Variants in THRB observed in about 807,000 individuals in gnomAD.
THRB encodes the protein thyroid hormone receptor beta, also known as nuclear receptor subfamily 1 group A member 2.
A neutral mutation model predicts 47.8 loss-of-function variants in THRB; 12 were observed. That is an observed-to-expected ratio of 0.25 (90% CI 0.16 to 0.41). The LOEUF (loss-of-function observed/expected upper bound fraction) is 0.41. THRB is among the 10% of genes least tolerant of loss of function. The probability of loss-of-function intolerance (pLI) is 1.00; values close to 1 mark genes in which losing one functional copy is unlikely to be tolerated. For missense variants in THRB, 348 were observed against 589.2 expected (o/e 0.59, Z 4.24); for synonymous variants, 218 against 212.2 (o/e 1.03, Z -0.24).
At chr3:24,456,496 T>C (rs1234772677) in intron 1 of THRB, among the ~76,000 whole-genome samples, 2 of 152,000 alleles carry the variant, frequency 1.3e-5, no homozygotes, top group Non-Finnish European at 2.9e-5. Flanking sequence ...TGAATGATAG[T>C]AATAAATATG....
intron 1 of THRB, among the ~76,000 whole-genome samples, chr3:24,479,786 G>A (rs1438671390): frequency 3.3e-5 from 5 of 152,118 alleles, no homozygotes; most frequent in East Asian, 1.9e-4. Context: ...CTGGTGCCTC[G>A]ACTATACTCC....
chr3:24,395,136 A>T (rs958081515), intron 1 of THRB, among the ~76,000 whole-genome samples: 9 of 152,118 alleles, frequency 5.9e-5, no homozygotes, highest in African/African-American at 1.9e-4. Context: ...TGGATTATAA[A>T]CCTAAATGTA....
At chr3:24,136,849 T>C (rs902987131) in intron 8 of THRB, among the ~76,000 whole-genome samples, 3 of 152,258 alleles carry the variant, frequency 2.0e-5, no homozygotes, top group Non-Finnish European at 4.4e-5. Flanking sequence ...GTCTGCTCTA[T>C]GTCTCCCCTA....
chr3:24,469,309 T>C (rs1449168240), intron 1 of THRB, among the ~76,000 whole-genome samples: 1 of 152,150 alleles, frequency 6.6e-6, no homozygotes, highest in Non-Finnish European at 1.5e-5. Flanking sequence ...GCTCAATACG[T>C]TCATGAGTTA....
chr3:24,464,988 C>T (rs2074017772), intron 1 of THRB, among the ~76,000 whole-genome samples: 1 of 152,034 alleles, frequency 6.6e-6, no homozygotes, highest in Non-Finnish European at 1.5e-5. Context: ...ACAAACAGTA[C>T]TTATTTAGAT....
At position 24,477,085 on chromosome 3, in the gene THRB, GGT is replaced by G. The variant is rs71855335; in HGVS notation, c.-261+17565_-261+17566del. 8.3e-3 allele frequency among the ~76,000 whole-genome samples: 1,135 copies of G among 136,986 alleles called. 4 individuals are homozygous for G. The highest frequency in any genetic ancestry group is 9.3e-3 in the Non-Finnish European group (574 of 61,978). 89.9% of individuals were successfully genotyped at this position (136,986 alleles called of 152,430 possible). ...ATGATCCAGGACATACATATAAAGG[GGT>G]GTGTGTGTGTGTGTGTGTGTGTGTG... is the stretch of plus-strand genomic sequence containing the variant. On this transcript the variant is annotated intron_variant, in intron 1 of 10. Transcript: ENST00000646209.
chr3:24,169,382 G>T (rs982180417), intron 5 of THRB, among the ~76,000 whole-genome samples: 2 of 152,070 alleles, frequency 1.3e-5, no homozygotes, highest in African/African-American at 4.8e-5. Context: ...CCATCATTTT[G>T]GTCCATGAGA....
At chr3:24,300,986 C>T (rs1480419467) in intron 2 of THRB, among the ~76,000 whole-genome samples, 2 of 151,996 alleles carry the variant, frequency 1.3e-5, no homozygotes, top group African/African-American at 4.8e-5. Context: ...ATCTGGCTGG[C>T]CCTAAATTGA....
intron 1 of THRB, among the ~76,000 whole-genome samples, chr3:24,425,194 T>C (rs1246854770): frequency 1.3e-5 from 2 of 151,914 alleles, no homozygotes; most frequent in Non-Finnish European, 2.9e-5. Context: ...GTGATGCACG[T>C]TGACAAATTG....
At chr3:24,227,145 TG>T (rs1193816006) in intron 4 of THRB, among the ~76,000 whole-genome samples, 1 of 152,200 alleles carries the variant, frequency 6.6e-6, no homozygotes, top group African/African-American at 2.4e-5. Context: ...CTTTTTCAGG[TG>T]GGCAAATTAT....
chr3:24,360,961 T>C (rs1478947456), intron 1 of THRB, among the ~76,000 whole-genome samples: 8 of 152,190 alleles, frequency 5.3e-5, no homozygotes, highest in African/African-American at 9.6e-5. Context: ...GATTCTATTA[T>C]GCAGCCAAGG....
intron 5 of THRB, among the ~76,000 whole-genome samples, chr3:24,157,119 A>T (rs1221974911): frequency 6.6e-6 from 1 of 152,164 alleles, no homozygotes; most frequent in Non-Finnish European, 1.5e-5. Context: ...GCCTTCATCC[A>T]TTGCCCTCTG....
intron 1 of THRB, among the ~76,000 whole-genome samples, chr3:24,371,929 T>C (rs926306331): frequency 2.0e-5 from 3 of 152,176 alleles, no homozygotes; most frequent in African/African-American, 7.2e-5. Context: ...GCACTTATTC[T>C]GTTTCTTGAG....
chr3:24,248,008 G>A (rs566008410), intron 3 of THRB, among the ~76,000 whole-genome samples: 50 of 151,842 alleles, frequency 3.3e-4, no homozygotes, highest in Middle Eastern at 3.4e-3. Context: ...GGCCAACCCT[G>A]TATCAGTGAG....
chr3:24,159,481 T>A (rs903524393), intron 5 of THRB, among the ~76,000 whole-genome samples: 1 of 152,202 alleles, frequency 6.6e-6, no homozygotes, highest in Non-Finnish European at 1.5e-5. Flanking sequence ...CACGTATATA[T>A]GGTTATGTAG....
chr3:24,163,251 G>C (rs1261348852), intron 5 of THRB, among the ~76,000 whole-genome samples: 1 of 152,158 alleles, frequency 6.6e-6, no homozygotes, highest in Non-Finnish European at 1.5e-5. Context: ...AAGAATATTT[G>C]CCTGTTTTGA....
At chr3:24,292,431 A>G (rs578032534) in intron 3 of THRB, among the ~76,000 whole-genome samples, 1 of 152,054 alleles carries the variant, frequency 6.6e-6, no homozygotes, top group African/African-American at 2.4e-5. Context: ...TCCAATTCTA[A>G]TATTTATATT....
At chr3:24,299,019 G>A (rs1295130451) in intron 2 of THRB, among the ~76,000 whole-genome samples, 3 of 151,948 alleles carry the variant, frequency 2.0e-5, no homozygotes, top group East Asian at 1.9e-4. Flanking sequence ...AGGCCCAGGC[G>A]GGCGGATCAC....
chr3:24,389,967 A>C (rs894044870), intron 1 of THRB, among the ~76,000 whole-genome samples: 1 of 152,198 alleles, frequency 6.6e-6, no homozygotes, highest in African/African-American at 2.4e-5. Context: ...CAATGACAGT[A>C]TAAAAATGTC....
Sources: gnomAD v4.1 joint callset for allele counts (sites outside exome capture counted in the v4.1 genomes callset) on GRCh38, gnomAD v4.1.1 for gene constraint, MANE v1.5 for transcripts, NCBI Gene and HGNC (gene_info 2026-07-23, HGNC 2026-07-21) for gene names.